Variants in GABRG3 observed in about 807,000 individuals in gnomAD.
GABRG3 encodes gamma-aminobutyric acid type A receptor subunit gamma3.
GABRG3 carries 25 observed loss-of-function variants against 48.8 expected under a neutral mutation model. The observed-to-expected ratio is 0.51, with a 90% CI of 0.37 to 0.72. GABRG3 has a LOEUF of 0.72. Ranked by LOEUF, GABRG3 falls within the 30% of genes least tolerant of loss-of-function variation. GABRG3 has a pLI of 0.00. For synonymous variants in GABRG3, 227 were observed against 217.6 expected (o/e 1.04, Z -0.38); for missense variants, 394 against 577.9 (o/e 0.68, Z 3.26).
intron 2 of GABRG3, among the ~76,000 whole-genome samples, chr15:27,004,406 C>T (rs890801754): frequency 6.6e-4 from 100 of 150,540 alleles, no homozygotes; most frequent in African/African-American, 2.3e-3. Context: ...CGGGAAGAGG[C>T]GCTCCTCACT....
rs1415642511 is a variant in GABRG3 at position 27,480,656 on chromosome 15, A to G, written c.581A>G (p.Tyr194Cys). ...SCPLIFSSYG[Y>C]PKEEMIYRWR... ...GTTTGCTCTGTGTTTTTAGATGGCT[A>G]TCCCAAAGAAGAAATGATTTATAGA... The change falls in exon 6 of 10, where the codon TAT becomes TGT. Residue 194 changes from tyrosine to cysteine, a missense_variant. Coordinates refer to ENST00000615808, the MANE Select transcript of GABRG3 (RefSeq NM_033223.5). The G allele has an allele frequency of 2.5e-6, 4 of 1,609,744 alleles. No individual in the cohort carries two copies. The highest frequency in any genetic ancestry group is 1.1e-5 in the South Asian group (1 of 90,118).
intron 3 of GABRG3, among the ~76,000 whole-genome samples, chr15:27,258,577 C>T (rs1890687737): frequency 6.6e-6 from 1 of 152,120 alleles, no homozygotes; most frequent in Non-Finnish European, 1.5e-5. Context: ...CAAAAGAAGA[C>T]TCTTTTGCTT....
At chr15:27,275,987 C>T (rs1486708706) in intron 3 of GABRG3, among the ~76,000 whole-genome samples, 1 of 152,232 alleles carries the variant, frequency 6.6e-6, no homozygotes, top group Non-Finnish European at 1.5e-5. Flanking sequence ...ACATCAGTCT[C>T]TGCATCTGCA....
chr15:27,025,401 CT>C (rs1895967623), intron 2 of GABRG3, among the ~76,000 whole-genome samples: 1 of 152,202 alleles, frequency 6.6e-6, no homozygotes, highest in Non-Finnish European at 1.5e-5. Context: ...AAGAAAGATG[CT>C]ACCTAATTTC....
intron 3 of GABRG3, among the ~76,000 whole-genome samples, chr15:27,065,652 C>T (rs1286136388): frequency 1.3e-5 from 2 of 152,196 alleles, no homozygotes; most frequent in Non-Finnish European, 1.5e-5. Flanking sequence ...ATAAGACTTT[C>T]GTTTGCAAAG....
chr15:27,349,740 C>G (rs149215194), intron 5 of GABRG3, among the ~76,000 whole-genome samples: 12 of 152,234 alleles, frequency 7.9e-5, no homozygotes, highest in Admixed American at 5.9e-4. Context: ...TGCACAGGCA[C>G]AGTTTATCAA....
chr15:27,043,464 T>C (rs1440308994), intron 3 of GABRG3, among the ~76,000 whole-genome samples: 1 of 152,116 alleles, frequency 6.6e-6, no homozygotes, highest in Non-Finnish European at 1.5e-5. Flanking sequence ...CAGCAGCCCG[T>C]CAGAAGGGGC....
intron 5 of GABRG3, among the ~76,000 whole-genome samples, chr15:27,461,963 C>G (rs1236179591): frequency 1.3e-5 from 2 of 152,186 alleles, no homozygotes; most frequent in African/African-American, 4.8e-5. Flanking sequence ...ATTTCCCTGA[C>G]TCTTGGATTC....
At chr15:27,397,463 G>A (rs918703364) in intron 5 of GABRG3, among the ~76,000 whole-genome samples, 2 of 152,034 alleles carry the variant, frequency 1.3e-5, no homozygotes, top group African/African-American at 4.8e-5. Flanking sequence ...CCTACCTCAC[G>A]TAATTAACTT....
chr15:26,975,673 T>A lies in GABRG3; in HGVS notation c.54-1329T>A, dbSNP rs1458711317. 6.6e-6 allele frequency among the ~76,000 whole-genome samples: 1 copy of A among 152,186 alleles called. No individual in the cohort carries two copies. The highest frequency in any genetic ancestry group is 2.4e-5 in the African/African-American group (1 of 41,432). On this transcript the variant is annotated intron_variant, in intron 1 of 9. Transcript: ENST00000615808. This position sits in a 1 kb window ranked among gnomAD's most constrained non-coding sequence, Gnocchi z 4.6. ...TGAAATTTTATTTTTTAAATTAACA[T>A]CTTGTTAATTATAGATAATTTAGAC...
At chr15:27,084,090 G>A (rs1168368571) in intron 3 of GABRG3, among the ~76,000 whole-genome samples, 2 of 152,314 alleles carry the variant, frequency 1.3e-5, no homozygotes, top group African/African-American at 2.4e-5. Flanking sequence ...GTAGGCAAAC[G>A]TTTCATCTCA....
At chr15:27,304,943 A>G (rs1892343963) in intron 3 of GABRG3, among the ~76,000 whole-genome samples, 1 of 151,876 alleles carries the variant, frequency 6.6e-6, no homozygotes, top group African/African-American at 2.4e-5. Context: ...TCTGTGGGTT[A>G]TTTCACTTAT....
intron 5 of GABRG3, chr15:27,350,435 G>T (rs902447372): frequency 3.1e-5 from 10 of 323,606 alleles, no homozygotes; most frequent in African/African-American, 1.7e-4. Flanking sequence ...TTTTCAAATG[G>T]ATATCAGTAA....
At chr15:27,201,052 T>C (rs78286695) in intron 3 of GABRG3, among the ~76,000 whole-genome samples, 363 of 151,670 alleles carry the variant, frequency 2.4e-3, no homozygotes, top group African/African-American at 8.5e-3. Flanking sequence ...AAATGTAGAG[T>C]TGGGGAAAGA....
At chr15:27,306,655 T>C (rs184945661) in intron 3 of GABRG3, among the ~76,000 whole-genome samples, 35 of 58,624 alleles carry the variant, frequency 6.0e-4, no homozygotes, top group Admixed American at 1.4e-3. Flanking sequence ...TAAACATATA[T>C]ATGAACATGT....
intron 3 of GABRG3, among the ~76,000 whole-genome samples, chr15:27,293,810 T>C (rs1891883241): frequency 6.6e-6 from 1 of 152,208 alleles, no homozygotes; most frequent in Non-Finnish European, 1.5e-5. Context: ...GATTATCTAC[T>C]ACAGGCCAGA....
At chr15:27,425,380 G>A (rs113236458) in intron 5 of GABRG3, among the ~76,000 whole-genome samples, 2,008 of 151,140 alleles carry the variant, frequency 0.013, 34 homozygotes, top group African/African-American at 0.047. Flanking sequence ...CGAGGCAGGC[G>A]GATCACGAGG....
At chr15:27,137,415 C>A (rs1318016127) in intron 3 of GABRG3, among the ~76,000 whole-genome samples, 1 of 152,136 alleles carries the variant, frequency 6.6e-6, no homozygotes, top group Non-Finnish European at 1.5e-5. Flanking sequence ...AGAATTGTGA[C>A]CAAGAGAAGC....
Position 27,233,472 on chromosome 15 carries a change from G to C in GABRG3, c.271-93337G>C, listed in dbSNP as rs538248099. Among the ~76,000 whole-genome samples the C allele has an allele frequency of 3.3e-5, 5 of 152,252 alleles. No homozygotes were observed. In the South Asian group the frequency reaches 1.0e-3, roughly 32 times the overall value. On this transcript the variant is annotated intron_variant, in intron 3 of 9. Coordinates refer to ENST00000615808, the MANE Select transcript of GABRG3 (RefSeq NM_033223.5). Reference sequence around the variant, plus strand: ...AGGCCAAGGTCAGTGGGCCAGTCTGGTTGGGTTCTTGGTGAGGCCCCTCCA... The same window carrying C: ...AGGCCAAGGTCAGTGGGCCAGTCTGCTTGGGTTCTTGGTGAGGCCCCTCCA...
Sources: allele counts gnomAD v4.1 joint callset (sites outside exome capture counted in the v4.1 genomes callset), GRCh38; gene constraint gnomAD v4.1.1; non-coding constraint Gnocchi (gnomAD v3.1); transcripts MANE v1.5; gene names NCBI Gene and HGNC (gene_info 2026-07-23, HGNC 2026-07-21).